NCEH1: variants seen among roughly 807,000 people sequenced by gnomAD.
NCEH1 encodes the protein neutral cholesterol ester hydrolase 1, also known as 2-acetyl MAGE hydrolase.
NCEH1 carries 9 observed loss-of-function variants against 25.4 expected under a neutral mutation model. That is an observed-to-expected ratio of 0.35 (90% CI 0.21 to 0.62). NCEH1 has a LOEUF of 0.62. Among genes scored for constraint, NCEH1 ranks in the 20% least tolerant of loss-of-function variants. The probability of loss-of-function intolerance (pLI) is 0.72; values close to 1 mark genes in which losing one functional copy is unlikely to be tolerated. For synonymous variants in NCEH1, 200 were observed against 199.8 expected, an observed-to-expected ratio of 1.00 and a Z score of -0.01; for missense variants, 412 against 501.1, an observed-to-expected ratio of 0.82 and a Z score of 1.70.
intron 1 of NCEH1, among the ~76,000 whole-genome samples, chr3:172,692,992 A>G (rs1342396000): frequency 1.3e-5 from 2 of 152,166 alleles, no homozygotes; most frequent in Non-Finnish European, 2.9e-5. Flanking sequence ...ATTCAGACCC[A>G]GCTCAGCCAG....
chr3:172,692,579 G>T (rs1240246945), intron 1 of NCEH1, among the ~76,000 whole-genome samples: 1 of 151,618 alleles, frequency 6.6e-6, no homozygotes, highest in African/African-American at 2.4e-5. Flanking sequence ...TGCCCAGGCT[G>T]GTCTCAAACT....
chr3:172,672,558 G>T (rs1017237880), intron 1 of NCEH1, among the ~76,000 whole-genome samples: 2 of 152,186 alleles, frequency 1.3e-5, no homozygotes, highest in African/African-American at 4.8e-5. Flanking sequence ...AGCTCATCCT[G>T]AAGGACAGTT....
rs1427264661 is a variant in NCEH1 at position 172,633,662 on chromosome 3, T to C, written c.1040A>G (p.His347Arg). The part of the protein sequence containing the change: ...LPKTYILTCE[H>R]DVLRDDGIMY... ...GATGCCATCGTCTCTGAGGACATCA[T>C]GCTCACACGTCAGAATGTAGGTCTT... The change falls in exon 5 of 5, where the codon CAT (histidine) becomes CGT (arginine). Residue 347 changes from histidine to arginine, a missense_variant. Physicochemically the swap from His to Arg is conservative, Grantham distance 29. Transcript: ENST00000475381. The C allele has an allele frequency of 6.2e-7, 1 of 1,614,218 alleles. No individual in the cohort carries two copies. Among genetic ancestry groups the C allele is most frequent in the South Asian group, 1.1e-5 (1 of 91,082 alleles).
At chr3:172,654,453 C>T (rs1458266527) in intron 1 of NCEH1, among the ~76,000 whole-genome samples, 1 of 152,180 alleles carries the variant, frequency 6.6e-6, no homozygotes, top group Non-Finnish European at 1.5e-5. Context: ...GTGAGCCCAG[C>T]GACAGATATT....
intron 1 of NCEH1, among the ~76,000 whole-genome samples, chr3:172,659,798 G>A (rs570102461): frequency 6.6e-6 from 1 of 152,284 alleles, no homozygotes; most frequent in African/African-American, 2.4e-5. Context: ...CTCTATGCTT[G>A]ACCACTCTGG....
intron 1 of NCEH1, among the ~76,000 whole-genome samples, chr3:172,660,245 A>C (rs1405483519): frequency 1.3e-5 from 2 of 151,326 alleles, no homozygotes; most frequent in Non-Finnish European, 2.9e-5. Context: ...CTGTCCTTGC[A>C]ACAGTTTGCT....
At chr3:172,645,276 T>C (rs1222116393) in intron 3 of NCEH1, among the ~76,000 whole-genome samples, 1 of 152,154 alleles carries the variant, frequency 6.6e-6, no homozygotes, top group Admixed American at 6.6e-5. Flanking sequence ...TTTTCAACTC[T>C]CAGCTGTAGA....
intron 1 of NCEH1, among the ~76,000 whole-genome samples, chr3:172,679,271 C>T (rs138673234): frequency 4.5e-4 from 69 of 152,256 alleles, no homozygotes; most frequent in African/African-American, 1.5e-3. Flanking sequence ...GCTAAATTGT[C>T]GGCTCTAAGA....
At chr3:172,639,562 GGTTC>G (rs1716754516) in intron 3 of NCEH1, among the ~76,000 whole-genome samples, 1 of 151,998 alleles carries the variant, frequency 6.6e-6, no homozygotes, top group Non-Finnish European at 1.5e-5. Context: ...AGTGAAAGAG[GGTTC>G]TGACATTCAA....
At chr3:172,700,867 G>GAAA (rs976572823) in intron 1 of NCEH1, among the ~76,000 whole-genome samples, 8 of 148,806 alleles carry the variant, frequency 5.4e-5, no homozygotes, top group African/African-American at 1.7e-4. Flanking sequence ...GTTATTTATT[G>GAAA]AAAAAAAAAT....
chr3:172,684,630 A>C (rs1025443125), intron 1 of NCEH1, among the ~76,000 whole-genome samples: 3 of 152,198 alleles, frequency 2.0e-5, no homozygotes, highest in African/African-American at 7.2e-5. Context: ...TCTATGTGCA[A>C]TTCTGTAGAG....
chr3:172,661,808 T>C (rs899730471), intron 1 of NCEH1, among the ~76,000 whole-genome samples: 2 of 152,216 alleles, frequency 1.3e-5, no homozygotes, highest in East Asian at 1.9e-4. Context: ...CTTGTGATTT[T>C]TGCACATTGA....
At chr3:172,692,015 G>A (rs867887648) in intron 1 of NCEH1, among the ~76,000 whole-genome samples, 7 of 142,094 alleles carry the variant, frequency 4.9e-5, no homozygotes, top group Non-Finnish European at 9.2e-5. Context: ...GAGAAGGTGA[G>A]AGGGAAACCA....
chr3:172,645,738 T>G, intron 2 of NCEH1, 46 bp from the exon 3 acceptor site: 1 of 1,147,696 alleles, frequency 8.7e-7, no homozygotes, highest in Non-Finnish European at 1.3e-6. Context: ...GGTCATTTAA[T>G]ACTGTCCACT....
intron 1 of NCEH1, among the ~76,000 whole-genome samples, chr3:172,665,271 G>T (rs1336069765): frequency 6.6e-6 from 1 of 152,202 alleles, no homozygotes; most frequent in African/African-American, 2.4e-5. Flanking sequence ...GACCTTGTTT[G>T]CCTGGGTATC....
intron 1 of NCEH1, among the ~76,000 whole-genome samples, chr3:172,687,389 T>C (rs1712759234): frequency 6.6e-6 from 1 of 152,222 alleles, no homozygotes; most frequent in Admixed American, 6.5e-5. Context: ...TTCCTGATTA[T>C]TTTTGCTTGC....
chr3:172,685,520 T>G (rs143609434), intron 1 of NCEH1, among the ~76,000 whole-genome samples: 1 of 152,136 alleles, frequency 6.6e-6, no homozygotes, highest in African/African-American at 2.4e-5. Context: ...GAGAGATGAG[T>G]GACAAGCTCT....
At chr3:172,670,810 G>A (rs1349500421) in intron 1 of NCEH1, among the ~76,000 whole-genome samples, 1 of 151,862 alleles carries the variant, frequency 6.6e-6, no homozygotes, top group Non-Finnish European at 1.5e-5. Flanking sequence ...TTCTTATATT[G>A]AGGGCTTTTA....
chr3:172,662,974 T>C (rs1718038103), intron 1 of NCEH1, among the ~76,000 whole-genome samples: 1 of 152,242 alleles, frequency 6.6e-6, no homozygotes, highest in East Asian at 1.9e-4. Flanking sequence ...AGTTCTGCTA[T>C]GATCTTAGTT....
Sources: gnomAD v4.1 joint callset for allele counts (sites outside exome capture counted in the v4.1 genomes callset) on GRCh38, gnomAD v4.1.1 for gene constraint, MANE v1.5 for transcripts, NCBI Gene and HGNC (gene_info 2026-07-23, HGNC 2026-07-21) for gene names.